Variants in TACC1 observed in about 807,000 individuals in gnomAD.
The protein encoded by TACC1 is transforming acidic coiled-coil containing protein 1.
TACC1 carries 48 observed loss-of-function variants against 84.4 expected under a neutral mutation model. The ratio of observed to expected loss-of-function variants is 0.57; its 90% CI spans 0.45 to 0.72. The LOEUF (loss-of-function observed/expected upper bound fraction) is 0.72. Ranked by LOEUF, TACC1 falls within the 30% of genes least tolerant of loss-of-function variation. The probability of loss-of-function intolerance (pLI) is 0.00; values close to 1 mark genes in which losing one functional copy is unlikely to be tolerated. For synonymous variants in TACC1, 372 were observed against 376.3 expected (o/e 0.99, Z 0.13); for missense variants, 920 against 973.0 (o/e 0.95, Z 0.72).
chr8:38,820,163 G>T lies in TACC1; in HGVS notation c.919G>T (p.Val307Phe). 6.2e-7 allele frequency: 1 copy of T among 1,614,190 alleles called. No individual in the cohort carries two copies. Among genetic ancestry groups the T allele is most frequent in the Non-Finnish European group, 8.5e-7 (1 of 1,180,036 alleles). ...TLSSDTNDSGVELGEESRSSP... is the reference protein window; with the variant it reads ...TLSSDTNDSGFELGEESRSSP... ...CAGTAGTGACACCAACGACTCAGGG[G>T]TTGAGCTGGGGGAGGAGTCGAGGAG... Residue 307 changes from valine (V) to phenylalanine (F), a missense_variant, in exon 3 of 13, where the codon GTT becomes TTT. Around this residue, in one of 2 missense-constraint regions of TACC1, gnomAD observed 762 missense variants for 747.3 expected, o/e 1.02. Transcript: ENST00000317827.
intron 3 of TACC1, among the ~76,000 whole-genome samples, 183 bp from the exon 4 acceptor site, chr8:38,825,125 C>A (rs1431059444): frequency 6.6e-6 from 1 of 152,232 alleles, no homozygotes; most frequent in African/African-American, 2.4e-5. Flanking sequence ...CTTACCCCGT[C>A]TCTCTGGAGA....
intron 3 of TACC1, among the ~76,000 whole-genome samples, chr8:38,765,142 T>G (rs1030215098): frequency 1.3e-5 from 2 of 151,066 alleles, no homozygotes; most frequent in Non-Finnish European, 3.0e-5. Flanking sequence ...TCTTTCTGTT[T>G]AACTCTTGAT....
rs781325102 is a variant in TACC1, at chr8:38,843,406, G to C, written c.2228+11G>C. The C allele has an allele frequency of 6.3e-7, 1 of 1,579,388 alleles. No homozygotes were observed. The highest frequency in any genetic ancestry group is 1.2e-5 in the South Asian group (1 of 85,850). On this transcript the variant is annotated intron_variant, in intron 11 of 12. Transcript: ENST00000317827. ...AGAGAAACTGGACAAGTAAGAGCTTGTAAATGTTGAATTTCACTCTTCATG... is the reference window on the plus strand; with the variant it reads ...AGAGAAACTGGACAAGTAAGAGCTTCTAAATGTTGAATTTCACTCTTCATG...
At chr8:38,840,362 TATAAACAACAA>T in intron 9 of TACC1, 95 bp downstream of exon 9, 1 of 1,137,848 alleles carries the variant, frequency 8.8e-7, no homozygotes, top group Non-Finnish European at 1.3e-6. Flanking sequence ...CTAGGTAGCT[TATAAACAACAA>T]ACATTTTTCA....
intron 2 of TACC1, among the ~76,000 whole-genome samples, chr8:38,817,711 T>A (rs1423382733): frequency 6.6e-6 from 1 of 151,816 alleles, no homozygotes; most frequent in Non-Finnish European, 1.5e-5. Context: ...TGAAGTATGT[T>A]TGTGAAGTAT....
intron 3 of TACC1, among the ~76,000 whole-genome samples, chr8:38,751,946 C>T (rs566800637): frequency 6.6e-6 from 1 of 152,118 alleles, no homozygotes; most frequent in African/African-American, 2.4e-5. Flanking sequence ...ATAAGTATTA[C>T]CCACTGTTAT....
chr8:38,780,288 A>G (rs1412522800), intron 3 of TACC1, among the ~76,000 whole-genome samples: 2 of 152,020 alleles, frequency 1.3e-5, no homozygotes, highest in East Asian at 3.9e-4. Flanking sequence ...CTTTTTTCCC[A>G]TTGCCAGCCA....
At chr8:38,782,332 C>A (rs1168639596), upstream of TACC1, among the ~76,000 whole-genome samples, 2 of 152,038 alleles carry the variant, frequency 1.3e-5, no homozygotes, top group Non-Finnish European at 2.9e-5. Flanking sequence ...CATCCATGTC[C>A]CTACAAAGGA....
chr8:38,758,341 C>T lies in TACC1; in HGVS notation c.26+12848C>T, dbSNP rs560247773. ...TGGCTAATTTTGTCCCTAATGTTAC[C>T]GATGTTCACAAATATAAACTTACTT... On this transcript the variant is annotated intron_variant, in intron 3 of 14. Transcript: ENST00000518415. Among the ~76,000 whole-genome samples the T allele has an allele frequency of 4.6e-5, 7 of 152,128 alleles. No homozygotes were observed. In the East Asian group the frequency reaches 5.8e-4, roughly 13 times the overall value.
chr8:38,783,080 AT>A (rs1563439986), upstream of TACC1, among the ~76,000 whole-genome samples: 175 of 106,620 alleles, frequency 1.6e-3, 1 homozygote, highest in African/African-American at 7.5e-3. Context: ...CTATCTATCT[AT>A]CTATCTATCT....
At chr8:38,772,502 T>C (rs1813838494) in intron 3 of TACC1, among the ~76,000 whole-genome samples, 1 of 152,076 alleles carries the variant, frequency 6.6e-6, no homozygotes, top group African/African-American at 2.4e-5. Flanking sequence ...TCAGGCAAAT[T>C]CTGTACAGAC....
At chr8:38,770,042 G>A (rs926658865) in intron 3 of TACC1, among the ~76,000 whole-genome samples, 1 of 151,622 alleles carries the variant, frequency 6.6e-6, no homozygotes, top group Non-Finnish European at 1.5e-5. Context: ...GCATGCGTGT[G>A]GTGTGTGTGT....
chr8:38,836,491 A>C (rs1830262277), intron 7 of TACC1, among the ~76,000 whole-genome samples: 1 of 152,200 alleles, frequency 6.6e-6, no homozygotes, highest in African/African-American at 2.4e-5. Context: ...AAATGTTGAC[A>C]ATCTGAAATA....
At chr8:38,758,677 T>TAA (rs1810607464) in intron 3 of TACC1, among the ~76,000 whole-genome samples, 1 of 25,156 alleles carries the variant, frequency 4.0e-5, no homozygotes, top group Non-Finnish European at 7.3e-5. Context: ...AGACTCCATC[T>TAA]CAAAAAAAAA....
Position 38,834,506 on chromosome 8 carries a change from C to T in TACC1, c.1714-1656C>T, listed in dbSNP as rs1829855772. Among the ~76,000 whole-genome samples, 6 of 152,140 alleles carry T rather than the reference C, an allele frequency of 3.9e-5. No homozygotes were observed. In the South Asian group the frequency reaches 1.2e-3, roughly 31 times the overall value. ...TTTTAGAGGCTGCCCACTGCAAGTG[C>T]CTTCTGGTTCTAGTGGTAGATTTTT... On this transcript the variant is annotated intron_variant, in intron 6 of 12. Coordinates refer to ENST00000317827, the MANE Select transcript of TACC1 (RefSeq NM_006283.3).
intron 2 of TACC1, among the ~76,000 whole-genome samples, chr8:38,795,189 A>G (rs568647235): frequency 1.2e-4 from 18 of 152,340 alleles, no homozygotes; most frequent in Non-Finnish European, 2.6e-4. Flanking sequence ...TCCTGGGGAA[A>G]AAAGTGTAGT....
intron 3 of TACC1, among the ~76,000 whole-genome samples, chr8:38,765,081 A>G (rs1811978165): frequency 6.6e-6 from 1 of 152,024 alleles, no homozygotes; most frequent in South Asian, 2.1e-4. Context: ...CCTGGTTGAC[A>G]AAGTGAAACT....
intron 5 of TACC1, among the ~76,000 whole-genome samples, chr8:38,829,935 G>A (rs1328775990): frequency 6.6e-6 from 1 of 152,104 alleles, no homozygotes; most frequent in African/African-American, 2.4e-5. Flanking sequence ...GGTCCTGATG[G>A]ATACTTACTA....
chr8:38,834,656 T>G (rs1482202400), intron 6 of TACC1, among the ~76,000 whole-genome samples: 1 of 152,206 alleles, frequency 6.6e-6, no homozygotes, highest in East Asian at 1.9e-4. Flanking sequence ...TTTGCTTTTC[T>G]GTGGCCTGAG....
Sources: gnomAD v4.1 joint callset for allele counts (sites outside exome capture counted in the v4.1 genomes callset) on GRCh38, gnomAD v4.1.1 for gene constraint, gnomAD v4.1.1 regional missense constraint, MANE v1.5 for transcripts, NCBI Gene and HGNC (gene_info 2026-07-23, HGNC 2026-07-21) for gene names.